Variants in TMOD2 observed in about 807,000 individuals in gnomAD.
The protein encoded by TMOD2 is tropomodulin-2.
In TMOD2, 22 loss-of-function variants were observed where a neutral mutation model predicts 39.9. The observed-to-expected ratio is 0.55, with a 90% CI of 0.39 to 0.79. The LOEUF (loss-of-function observed/expected upper bound fraction) is 0.79, where lower values mean the gene tolerates loss of function less well. Among genes scored for constraint, TMOD2 ranks in the 30% least tolerant of loss-of-function variants. TMOD2 has a pLI of 0.00. For missense variants in TMOD2, 386 were observed against 413.3 expected, an observed-to-expected ratio of 0.93 and a Z score of 0.57; for synonymous variants, 123 against 146.1, an observed-to-expected ratio of 0.84 and a Z score of 1.14.
intron 1 of TMOD2, among the ~76,000 whole-genome samples, chr15:51,762,926 A>C (rs1003063706): frequency 2.5e-4 from 38 of 151,972 alleles, no homozygotes; most frequent in African/African-American, 9.2e-4. Flanking sequence ...GATATACGAC[A>C]ATTTGTTTAT....
chr15:51,798,066 G>T, intron 7 of TMOD2, 131 bp from the exon 8 acceptor site: 1 of 725,508 alleles, frequency 1.4e-6, no homozygotes. Flanking sequence ...GGAGGTGAAA[G>T]TATGATTTGA....
At chr15:51,772,322 A>G (rs1448700046) in intron 3 of TMOD2, among the ~76,000 whole-genome samples, 2 of 152,154 alleles carry the variant, frequency 1.3e-5, no homozygotes, top group Admixed American at 1.3e-4. Flanking sequence ...AAAAAGAGAG[A>G]AACAAAGAGT....
At chr15:51,792,526 AG>A (rs1181700234) in intron 7 of TMOD2, among the ~76,000 whole-genome samples, 1 of 152,206 alleles carries the variant, frequency 6.6e-6, no homozygotes, top group East Asian at 1.9e-4. Context: ...ATATACCCAA[AG>A]GATTATAAAT....
At chr15:51,783,108 A>G (rs2055942801) in intron 7 of TMOD2, 3 of 364,918 alleles carry the variant, frequency 8.2e-6, no homozygotes, top group Non-Finnish European at 1.0e-5. Context: ...CTCTGTGCTT[A>G]GGATACATTT....
At chr15:51,782,145 T>G (rs1407545434) in intron 6 of TMOD2, among the ~76,000 whole-genome samples, 1 of 152,180 alleles carries the variant, frequency 6.6e-6, no homozygotes, top group Non-Finnish European at 1.5e-5. Flanking sequence ...ATTTATTCAG[T>G]CTTTACTCTG....
chr15:51,779,622 A>T (rs1186229130), intron 5 of TMOD2, among the ~76,000 whole-genome samples: 1 of 151,674 alleles, frequency 6.6e-6, no homozygotes, highest in Admixed American at 6.6e-5. Flanking sequence ...TGACCTTGTG[A>T]TCTGCCCACC....
intron 7 of TMOD2, among the ~76,000 whole-genome samples, chr15:51,793,086 T>TA (rs988093400): frequency 6.6e-6 from 1 of 151,836 alleles, no homozygotes; most frequent in Non-Finnish European, 1.5e-5. Context: ...GTAGCCACAT[T>TA]AAAAAAAATA....
intron 7 of TMOD2, among the ~76,000 whole-genome samples, chr15:51,785,134 C>T (rs1345910832): frequency 5.9e-5 from 9 of 152,210 alleles, no homozygotes; most frequent in South Asian, 4.1e-4. Context: ...TTATTTGGGC[C>T]GGGCGCGGTG....
At chr15:51,805,056 T>A (rs1427549008) in intron 8 of TMOD2, among the ~76,000 whole-genome samples, 1 of 151,968 alleles carries the variant, frequency 6.6e-6, no homozygotes, top group Non-Finnish European at 1.5e-5. Context: ...CCTCCTAGAT[T>A]CTAGTGATTC....
At chr15:51,802,228 AT>A (rs1181035728) in intron 8 of TMOD2, among the ~76,000 whole-genome samples, 1 of 151,868 alleles carries the variant, frequency 6.6e-6, no homozygotes, top group Non-Finnish European at 1.5e-5. Flanking sequence ...TCAAAAAAAA[AT>A]AAAGCTATTA....
chr15:51,785,411 C>CAAAAAA (rs57631565), intron 7 of TMOD2, among the ~76,000 whole-genome samples: 2 of 70,470 alleles, frequency 2.8e-5, no homozygotes, highest in Admixed American at 1.9e-4. Context: ...GACTCTGTCT[C>CAAAAAA]AAAAAAAAAA....
chr15:51,780,807 G>A (rs551291480), intron 5 of TMOD2, among the ~76,000 whole-genome samples: 1 of 152,304 alleles, frequency 6.6e-6, no homozygotes, highest in South Asian at 2.1e-4. Flanking sequence ...TGAACTTTGG[G>A]TCCATGCAGT....
chr15:51,811,118 G>A lies in TMOD2; in HGVS notation c.*2664G>A, dbSNP rs1300222867. ...CTTGAAAGGTGGCATTTCCATGAGT[G>A]TGCACATATTGATGATAACCCTTAG... On this transcript the variant is annotated 3_prime_UTR_variant, in exon 10 of 10. Transcript: ENST00000249700. 6.6e-6 allele frequency: 1 copy of A among 152,088 alleles called. No homozygotes were observed. Among genetic ancestry groups the A allele is most frequent in the Non-Finnish European group, 1.5e-5 (1 of 68,010 alleles). The allele number at this position is 152,088 out of a possible 1,614,324, so 9.4% of individuals were successfully genotyped here.
At chr15:51,781,505 T>C (rs2055929411) in intron 6 of TMOD2, among the ~76,000 whole-genome samples, 1 of 152,238 alleles carries the variant, frequency 6.6e-6, no homozygotes, top group South Asian at 2.1e-4. Flanking sequence ...AGTGGCTAGC[T>C]GGATAGTGTG....
At position 51,814,208 on chromosome 15, in the gene TMOD2, G is replaced by C. The variant is rs2056174903; in HGVS notation, c.*5754G>C. 1 of 152,318 alleles carries C rather than the reference G, an allele frequency of 6.6e-6. No individual in the cohort carries two copies. The highest frequency in any genetic ancestry group is 2.4e-5 in the African/African-American group (1 of 41,460). The allele number at this position is 152,318 out of a possible 1,614,324, so 9.4% of individuals were successfully genotyped here. ...TACTGCCCTCCTGTCATTGCTGTGG[G>C]TGGGAGAGGCTAAGACTTCAGGTTT... On this transcript the variant is annotated 3_prime_UTR_variant, in exon 10 of 10. Coordinates refer to ENST00000249700, the MANE Select transcript of TMOD2 (RefSeq NM_014548.4).
intron 7 of TMOD2, among the ~76,000 whole-genome samples, chr15:51,793,748 A>G (rs2056028919): frequency 6.6e-6 from 1 of 152,236 alleles, no homozygotes; most frequent in African/African-American, 2.4e-5. Context: ...TTTAAAAGAA[A>G]TTGGCAAGAT....
intron 8 of TMOD2, among the ~76,000 whole-genome samples, chr15:51,805,843 A>T (rs2056118510): frequency 6.6e-6 from 1 of 152,226 alleles, no homozygotes; most frequent in South Asian, 2.1e-4. Flanking sequence ...AATAAAGGTA[A>T]TGGTTGTACA....
chr15:51,796,761 G>A (rs1223781295), intron 7 of TMOD2, among the ~76,000 whole-genome samples: 1 of 152,176 alleles, frequency 6.6e-6, no homozygotes, highest in Non-Finnish European at 1.5e-5. Context: ...CTCTTGTGAT[G>A]ATGACATGAG....
At chr15:51,807,911 T>C (rs1278083408) in intron 9 of TMOD2, among the ~76,000 whole-genome samples, 9 of 152,184 alleles carry the variant, frequency 5.9e-5, no homozygotes, top group African/African-American at 2.2e-4. Flanking sequence ...AACATTAATC[T>C]CTGAGTTTGC....
Sources: gnomAD v4.1 joint callset for allele counts (sites outside exome capture counted in the v4.1 genomes callset) on GRCh38, gnomAD v4.1.1 for gene constraint, MANE v1.5 for transcripts, NCBI Gene and HGNC (gene_info 2026-07-23, HGNC 2026-07-21) for gene names.